Variants in TRAPPC9 observed in about 807,000 individuals in gnomAD.
The protein encoded by TRAPPC9 is IKK2 binding protein.
Under a neutral mutation model 124.0 loss-of-function variants are expected in TRAPPC9, and 83 were observed. The observed-to-expected ratio is 0.67, with a 90% CI of 0.56 to 0.80. TRAPPC9 has a LOEUF of 0.80. Among genes scored for constraint, TRAPPC9 ranks in the 30% least tolerant of loss-of-function variants. The pLI, the probability that TRAPPC9 is intolerant of heterozygous loss-of-function variation, is 0.00. For synonymous variants in TRAPPC9, 638 were observed against 617.5 expected (o/e 1.03, Z -0.49); for missense variants, 1,302 against 1,508.3 (o/e 0.86, Z 2.27).
intron 17 of TRAPPC9, among the ~76,000 whole-genome samples, chr8:140,050,205 C>T (rs1279667060): frequency 6.6e-6 from 1 of 152,192 alleles, no homozygotes; most frequent in Non-Finnish European, 1.5e-5. Flanking sequence ...GTAAAGCCTC[C>T]AGTGCTTCAT....
intron 7 of TRAPPC9, among the ~76,000 whole-genome samples, chr8:140,384,215 T>C (rs990660421): frequency 1.4e-5 from 2 of 139,078 alleles, no homozygotes; most frequent in Non-Finnish European, 3.2e-5. Context: ...ACATGCCAAA[T>C]TGTAAAGACC....
chr8:140,418,066 T>TG lies in TRAPPC9; in HGVS notation c.886+8548dup, dbSNP rs2070006588. Among the ~76,000 whole-genome samples, 6 of 152,116 alleles carry TG rather than the reference T, an allele frequency of 3.9e-5. No homozygotes were observed. In the South Asian group the frequency reaches 1.2e-3, roughly 32 times the overall value. ...TCACACACCAGGGCCTGTCAGGGAATGGGGGGCTAGGGGAAGGACAGCATT... is the reference window on the plus strand; with the variant it reads ...TCACACACCAGGGCCTGTCAGGGAATGGGGGGGCTAGGGGAAGGACAGCATT... On this transcript the variant is annotated intron_variant, in intron 5 of 22. Coordinates refer to ENST00000438773, the MANE Select transcript of TRAPPC9 (RefSeq NM_001160372.4).
intron 11 of TRAPPC9, among the ~76,000 whole-genome samples, chr8:140,295,648 C>T (rs1424617525): frequency 6.6e-6 from 1 of 152,160 alleles, no homozygotes; most frequent in African/African-American, 2.4e-5. Context: ...GTGAACTATC[C>T]CAAGTTAAAG....
intron 16 of TRAPPC9, among the ~76,000 whole-genome samples, chr8:140,232,334 A>G (rs2131378960): frequency 6.6e-6 from 1 of 152,120 alleles, no homozygotes; most frequent in Middle Eastern, 3.4e-3. Context: ...GAAGGCAGGT[A>G]ACTTCTTGGC....
chr8:140,446,983 A>G (rs1172365407), intron 2 of TRAPPC9, among the ~76,000 whole-genome samples: 1 of 152,210 alleles, frequency 6.6e-6, no homozygotes, highest in African/African-American at 2.4e-5. Flanking sequence ...CTCCAGCTCC[A>G]GCATTCCTTG....
chr8:140,393,466 TTAGA>T lies in TRAPPC9; in HGVS notation c.1134+4150_1134+4153del, dbSNP rs2068991472. Among the ~76,000 whole-genome samples the T allele has an allele frequency of 2.0e-5, 3 of 152,316 alleles. No individual in the cohort carries two copies. In the South Asian group the frequency reaches 6.2e-4, roughly 32 times the overall value. On this transcript the variant is annotated intron_variant, in intron 7 of 22. Transcript: ENST00000438773. Reference sequence around the variant, plus strand: ...TATTTGCTGCCATTTGTGAATTATCTTAGATAGATAATTATCATAAACCATTCAC... The same window carrying T: ...TATTTGCTGCCATTTGTGAATTATCTTAGATAATTATCATAAACCATTCAC...
intron 19 of TRAPPC9, among the ~76,000 whole-genome samples, chr8:139,962,692 C>T (rs1462852319): frequency 3.2e-5 from 4 of 124,576 alleles, no homozygotes; most frequent in African/African-American, 1.0e-4. Context: ...GACACATGGA[C>T]TTTCACAGCA....
At chr8:140,304,918 C>G (rs2066082444) in intron 10 of TRAPPC9, among the ~76,000 whole-genome samples, 2 of 134,070 alleles carry the variant, frequency 1.5e-5, no homozygotes, top group Admixed American at 1.6e-4. Context: ...CCCTGGTGCT[C>G]CGGTCCCATG....
At chr8:140,289,253 A>T (rs1296696087) in intron 12 of TRAPPC9, among the ~76,000 whole-genome samples, 1 of 150,276 alleles carries the variant, frequency 6.7e-6, no homozygotes, top group Non-Finnish European at 1.5e-5. Context: ...ACTTTTCCCA[A>T]CTCTGTCTAC....
intron 17 of TRAPPC9, among the ~76,000 whole-genome samples, chr8:140,124,149 T>A (rs948963087): frequency 2.0e-5 from 3 of 152,214 alleles, no homozygotes; most frequent in Non-Finnish European, 4.4e-5. Flanking sequence ...AATGATCACA[T>A]ATTTAGTGGC....
At chr8:140,103,647 G>A (rs1387038842) in intron 17 of TRAPPC9, among the ~76,000 whole-genome samples, 1 of 152,200 alleles carries the variant, frequency 6.6e-6, no homozygotes, top group Non-Finnish European at 1.5e-5. Context: ...CTAATAAGTA[G>A]CAATGAAGAA....
intron 17 of TRAPPC9, among the ~76,000 whole-genome samples, chr8:140,147,715 A>G (rs1377549515): frequency 6.6e-6 from 1 of 152,192 alleles, no homozygotes; most frequent in African/African-American, 2.4e-5. Flanking sequence ...AATTAATAAC[A>G]CTTCACGGTT....
intron 7 of TRAPPC9, among the ~76,000 whole-genome samples, chr8:140,374,571 A>C (rs2068379771): frequency 6.8e-6 from 1 of 147,026 alleles, no homozygotes; most frequent in Non-Finnish European, 1.5e-5. Context: ...ACTCCATGTC[A>C]AAAAAAAAAA....
intron 10 of TRAPPC9, among the ~76,000 whole-genome samples, chr8:140,306,980 TCTC>T (rs1438550167): frequency 6.6e-6 from 1 of 152,134 alleles, no homozygotes. Context: ...ACTTGCCTCT[TCTC>T]CTGTGCCCAG....
At chr8:140,154,174 C>A (rs191273261) in intron 17 of TRAPPC9, among the ~76,000 whole-genome samples, 1 of 152,156 alleles carries the variant, frequency 6.6e-6, no homozygotes, top group African/African-American at 2.4e-5. Flanking sequence ...TCCCACGTGC[C>A]CTAGCTCAAG....
intron 5 of TRAPPC9, among the ~76,000 whole-genome samples, chr8:140,419,448 AAAAAC>A (rs1554683876): frequency 1.2e-3 from 114 of 94,698 alleles, no homozygotes; most frequent in Admixed American, 4.8e-3. Context: ...AAAAAAAAAA[AAAAAC>A]AAAACAAAAC....
At chr8:140,370,885 ACTCAGGG>A in intron 8 of TRAPPC9, 72 bp downstream of exon 8, 2 of 1,526,782 alleles carry the variant, frequency 1.3e-6, no homozygotes, top group Non-Finnish European at 1.8e-6. Context: ...GATGTCTGCC[ACTCAGGG>A]CAGGGGCTGA....
chr8:140,182,759 T>C lies in TRAPPC9; in HGVS notation c.2556+38700A>G, dbSNP rs968627392. ...CCCTCTTGACCTGGCCTTGACCTAT[T>C]ACCCTCAGCTGAACACATCGTCACA... On this transcript the variant is annotated intron_variant, in intron 17 of 22. Transcript: ENST00000438773. The surrounding 1 kb of genome is among the most constrained non-coding windows in gnomAD (Gnocchi z 4.0). Among the ~76,000 whole-genome samples the C allele has an allele frequency of 6.6e-6, 1 of 152,118 alleles. No individual in the cohort carries two copies. The highest frequency in any genetic ancestry group is 1.5e-5 in the Non-Finnish European group (1 of 68,014).
chr8:139,757,693 G>C (rs1275075973), intron 21 of TRAPPC9, among the ~76,000 whole-genome samples: 1 of 152,084 alleles, frequency 6.6e-6, no homozygotes, highest in Non-Finnish European at 1.5e-5. Flanking sequence ...ATTCACTTCT[G>C]ACGCCACTGG....
Sources: allele counts gnomAD v4.1 joint callset (sites outside exome capture counted in the v4.1 genomes callset), GRCh38; gene constraint gnomAD v4.1.1; non-coding constraint Gnocchi (gnomAD v3.1); transcripts MANE v1.5; gene names NCBI Gene and HGNC (gene_info 2026-07-23, HGNC 2026-07-21).